KHDC1: variants seen among roughly 807,000 people sequenced by gnomAD.
KHDC1 encodes KH domain containing 1, also known as KH homology domain-containing protein 1.
A neutral mutation model predicts 24.7 loss-of-function variants in KHDC1; 21 were observed. That is an observed-to-expected ratio of 0.85 (90% CI 0.60 to 1.23). The LOEUF is 1.23. KHDC1 is among the 50% of genes most tolerant of loss of function. KHDC1 has a pLI of 0.00. For missense variants in KHDC1, 274 were observed against 298.5 expected (o/e 0.92, Z 0.61); for synonymous variants, 98 against 111.7 (o/e 0.88, Z 0.77).
rs199979331 is a variant in KHDC1, at chr6:73,241,684, C to G, written c.559G>C (p.Asp187His). 3.7e-6 allele frequency: 6 copies of G among 1,614,032 alleles called. No individual in the cohort carries two copies. The East Asian group carries it at 1.3e-4, about 36-fold the overall frequency. ...ACACTAATGGAGGTGACCAGGTCAT[C>G]GTTGGTCAGAGGCTGGCTTCGGACA... The change falls in exon 5 of 5, where the codon GAT (aspartate) becomes CAT (histidine). Residue 187 changes from aspartate (D) to histidine (H), a missense_variant. Coordinates refer to ENST00000370384, the Ensembl canonical transcript of KHDC1.
At chr6:73,292,985 C>T (rs1767684483) in intron 1 of KHDC1, 1 of 941,876 alleles carries the variant, frequency 1.1e-6, no homozygotes, top group African/African-American at 1.6e-5. Flanking sequence ...TCACATCCAC[C>T]AGTGTATCAG....
chr6:73,306,936 G>A (rs1029103454), intron 1 of KHDC1, among the ~76,000 whole-genome samples: 1 of 152,178 alleles, frequency 6.6e-6, no homozygotes, highest in African/African-American at 2.4e-5. Context: ...TTGAACCCAG[G>A]AGGCAGAGAT....
intron 2 of KHDC1, chr6:73,290,275 CA>C (rs1182248016): frequency 7.7e-3 from 1,136 of 148,410 alleles, no homozygotes; most frequent in South Asian, 0.021. Flanking sequence ...GACTTCATCC[CA>C]AAAAAAAAAA....
chr6:73,265,820 C>T (rs1214550302), intron 2 of KHDC1, among the ~76,000 whole-genome samples: 1 of 152,100 alleles, frequency 6.6e-6, no homozygotes. Flanking sequence ...GGTGCAGTGG[C>T]TCATACCTGT....
intron 2 of KHDC1, chr6:73,291,233 A>G: frequency 7.1e-6 from 3 of 420,518 alleles, no homozygotes; most frequent in South Asian, 3.7e-5. Flanking sequence ...TGCTCAGACC[A>G]CTGAATGGGT....
chr6:73,262,111 T>C (rs191919959), intron 2 of KHDC1, among the ~76,000 whole-genome samples: 151 of 151,910 alleles, frequency 9.9e-4, no homozygotes, highest in Non-Finnish European at 1.9e-3. Flanking sequence ...TAGGGCCAAA[T>C]TGATGTGCTC....
chr6:73,282,441 C>T (rs542220422), intron 2 of KHDC1, among the ~76,000 whole-genome samples: 1 of 152,160 alleles, frequency 6.6e-6, no homozygotes, highest in South Asian at 2.1e-4. Flanking sequence ...CATTCCTGGG[C>T]TTAGGCTCAA....
intron 2 of KHDC1, among the ~76,000 whole-genome samples, chr6:73,254,897 G>C (rs1422537848): frequency 6.6e-6 from 1 of 151,998 alleles, no homozygotes; most frequent in Non-Finnish European, 1.5e-5. Flanking sequence ...AGCTACTCGG[G>C]AGGCTGAGGC....
At chr6:73,242,321 T>C in intron 3 of KHDC1, 84 bp from the exon 3 acceptor site, 1 of 1,606,954 alleles carries the variant, frequency 6.2e-7, no homozygotes, top group Non-Finnish European at 8.5e-7. Flanking sequence ...TAGGAATATG[T>C]GACTGATGAA....
chr6:73,295,574 G>A (rs934666622), intron 1 of KHDC1, among the ~76,000 whole-genome samples: 11 of 151,810 alleles, frequency 7.2e-5, no homozygotes, highest in East Asian at 5.8e-4. Flanking sequence ...AGCTGGGCGC[G>A]GTGGCTCACG....
At chr6:73,285,948 CTT>C (rs1447923793) in intron 2 of KHDC1, among the ~76,000 whole-genome samples, 3 of 152,256 alleles carry the variant, frequency 2.0e-5, no homozygotes, top group African/African-American at 7.2e-5. Flanking sequence ...CTGGAAAGGC[CTT>C]TTTTCTCCTT....
chr6:73,242,516 A>G (rs761526433), exon 3 of KHDC1: 2 of 1,614,004 alleles, frequency 1.2e-6, no homozygotes, highest in Middle Eastern at 1.6e-4. Context: ...TCCCATGTCC[A>G]TGCTCTGCTC....
intron 2 of KHDC1, among the ~76,000 whole-genome samples, chr6:73,283,189 G>A (rs988870181): frequency 2.0e-5 from 3 of 152,106 alleles, no homozygotes; most frequent in African/African-American, 7.2e-5. Context: ...ATTTAATGAA[G>A]GAACCGGGAG....
intron 2 of KHDC1, among the ~76,000 whole-genome samples, chr6:73,285,526 G>T (rs533556488): frequency 1.3e-5 from 2 of 152,068 alleles, no homozygotes; most frequent in Admixed American, 6.5e-5. Flanking sequence ...TAGAGACAGG[G>T]TTTCGCCATG....
At chr6:73,251,513 C>T (rs1220598407) in intron 2 of KHDC1, among the ~76,000 whole-genome samples, 6 of 152,196 alleles carry the variant, frequency 3.9e-5, no homozygotes, top group African/African-American at 1.4e-4. Flanking sequence ...CTAACCTAAA[C>T]ATGTACCAGA....
chr6:73,260,661 C>T (rs541591093), intron 2 of KHDC1, among the ~76,000 whole-genome samples: 20 of 152,118 alleles, frequency 1.3e-4, no homozygotes, highest in Middle Eastern at 6.9e-3. Context: ...CCAAATCTAC[C>T]CCCACCCCTA....
At chr6:73,242,268 G>A in intron 3 of KHDC1, 31 bp from the exon 3 acceptor site, 1 of 1,607,124 alleles carries the variant, frequency 6.2e-7, no homozygotes, top group South Asian at 1.1e-5. Flanking sequence ...AGGAGGTTCT[G>A]TCAAGCACCA....
chr6:73,244,906 C>A (rs1382533776), intron 2 of KHDC1, among the ~76,000 whole-genome samples: 1 of 151,972 alleles, frequency 6.6e-6, no homozygotes, highest in East Asian at 1.9e-4. Flanking sequence ...ACAGCCTGGG[C>A]AACAGAGCAA....
At chr6:73,246,157 A>C (rs1015721523) in intron 2 of KHDC1, among the ~76,000 whole-genome samples, 1 of 152,170 alleles carries the variant, frequency 6.6e-6, no homozygotes, top group African/African-American at 2.4e-5. Context: ...AACTCATCAC[A>C]TATCTACTGC....
Sources: allele counts gnomAD v4.1 joint callset (sites outside exome capture counted in the v4.1 genomes callset), GRCh38; gene constraint gnomAD v4.1.1; transcripts MANE v1.5; gene names NCBI Gene and HGNC (gene_info 2026-07-23, HGNC 2026-07-21).